The following PFKM variants were observed in gnomAD, a reference collection of about 807,000 sequenced individuals.
PFKM encodes ATP-dependent 6-phosphofructokinase, muscle type.
A neutral mutation model predicts 95.5 loss-of-function variants in PFKM; 58 were observed. That is an observed-to-expected ratio of 0.61 (90% confidence interval 0.49 to 0.76). The LOEUF is 0.76. Among genes scored for constraint, PFKM ranks in the 30% least tolerant of loss-of-function variants. The pLI is 0.00. For missense variants in PFKM, 678 were observed against 1,005.4 expected (o/e 0.67, Z 4.40); for synonymous variants, 336 against 357.2 (o/e 0.94, Z 0.67).
At chr12:48,135,657 A>T (rs977227393) in intron 10 of PFKM, among the ~76,000 whole-genome samples, 1 of 152,116 alleles carries the variant, frequency 6.6e-6, no homozygotes, top group Admixed American at 6.5e-5. Context: ...GAATTTTGAG[A>T]TAATTGTAGA....
intron 10 of PFKM, chr12:48,137,418 C>G: frequency 2.3e-6 from 1 of 428,512 alleles, no homozygotes; most frequent in East Asian, 5.0e-5. Flanking sequence ...CAATCTCCTA[C>G]CTTGTTTTGT....
chr12:48,135,483 T>C (rs1488630965), intron 10 of PFKM, 100 bp downstream of exon 10: 1 of 801,298 alleles, frequency 1.2e-6, no homozygotes, highest in Non-Finnish European at 2.1e-6. Context: ...CTTACATCAC[T>C]GGTCGCATTG....
intron 20 of PFKM, among the ~76,000 whole-genome samples, chr12:48,144,523 C>A (rs2136041504): frequency 6.6e-6 from 1 of 152,298 alleles, no homozygotes; most frequent in Non-Finnish European, 1.5e-5. Flanking sequence ...GTAGCACCTC[C>A]CTCTCACTCC....
chr12:48,142,516 G>T (rs74089121), intron 17 of PFKM: 18 of 423,350 alleles, frequency 4.3e-5, no homozygotes, highest in African/African-American at 1.4e-4. Context: ...TGTTTTGTTT[G>T]TTTTTTTTTT....
intron 1 of PFKM, among the ~76,000 whole-genome samples, chr12:48,107,099 A>G (rs948506870): frequency 6.6e-6 from 1 of 152,182 alleles, no homozygotes; most frequent in Non-Finnish European, 1.5e-5. Flanking sequence ...AGCCACAGGC[A>G]CAGTCTGAGC....
chr12:48,115,809 A>G (rs558749534), upstream of PFKM, among the ~76,000 whole-genome samples: 10 of 152,236 alleles, frequency 6.6e-5, no homozygotes, highest in East Asian at 1.9e-4. Flanking sequence ...TCATATTTAT[A>G]TGACACATTT....
At chr12:48,108,246 G>A (rs1240707047) in intron 3 of PFKM, 1 of 1,563,630 alleles carries the variant, frequency 6.4e-7, no homozygotes, top group Non-Finnish European at 8.7e-7. Context: ...ATGGGAAAGT[G>A]AAAGTTGTAT....
At chr12:48,124,542 T>G (rs1023296172) in intron 2 of PFKM, among the ~76,000 whole-genome samples, 1 of 152,130 alleles carries the variant, frequency 6.6e-6, no homozygotes, top group Non-Finnish European at 1.5e-5. Flanking sequence ...AGGATTTAAC[T>G]TGGGTCTCAG....
At chr12:48,132,189 C>T (rs2135871507) in intron 4 of PFKM, 1 of 408,628 alleles carries the variant, frequency 2.4e-6, no homozygotes, top group South Asian at 1.8e-5. Context: ...ATATGAAAAC[C>T]TAAGTATACT....
intron 18 of PFKM, 137 bp downstream of exon 18, chr12:48,143,083 C>G (rs1382215144): frequency 2.5e-6 from 2 of 815,368 alleles, no homozygotes; most frequent in Non-Finnish European, 2.1e-6. Flanking sequence ...AGAAAGAGCA[C>G]TATGCAGGCA....
At position 48,133,325 on chromosome 12, in the gene PFKM, A is replaced by G; in HGVS notation, c.438A>G (p.Thr146=). 6.2e-7 allele frequency: 1 copy of G among 1,614,078 alleles called. No individual in the cohort carries two copies. Among genetic ancestry groups the G allele is most frequent in the South Asian group, 1.1e-5 (1 of 91,084 alleles). The change falls in exon 6 of 23, where the codon ACA becomes ACG. Residue 146 remains threonine (T), a synonymous_variant. Transcript: ENST00000359794. ...GCTTCTCATTGTCAGGTAAGATCACAGATGAGGAGGCTACGAAGTCCAGCT... is the reference window on the plus strand; with the variant it reads ...GCTTCTCATTGTCAGGTAAGATCACGGATGAGGAGGCTACGAAGTCCAGCT... ...LSDLQKAGKI[T]DEEATKSSYL...
In PFKM at chr12:48,141,381, G is replaced by A; in HGVS notation, c.1412G>A (p.Arg471Lys). Residue 471 changes from arginine (R) to lysine (K), a missense_variant and splice_region_variant, in exon 15 of 23, where the codon AGG becomes AAG. Transcript: ENST00000359794. ...GGTGGCTCTAAACTTGGGACTAAAA[G>A]GTAAGTAGCACTGCAGAGGCACCTC... ...GQGGSKLGTK[R>K]TLPKKSFEQI... The A allele has an allele frequency of 6.2e-7, 1 of 1,613,704 alleles. No homozygotes were observed. Among genetic ancestry groups the A allele is most frequent in the Non-Finnish European group, 8.5e-7 (1 of 1,179,610 alleles).
chr12:48,141,248 C>T, intron 14 of PFKM, 63 bp from the exon 15 acceptor site: 1 of 1,429,736 alleles, frequency 7.0e-7, no homozygotes, highest in Admixed American at 1.7e-5. Flanking sequence ...GCAGTGGCAC[C>T]AGTCCCACAC....
At chr12:48,119,468 G>A in intron 1 of PFKM, 62 bp downstream of exon 1, 8 of 935,436 alleles carry the variant, frequency 8.6e-6, no homozygotes, top group Non-Finnish European at 1.0e-5. Flanking sequence ...GGAAGGTATG[G>A]GCCGGGAGCA....
intron 4 of PFKM, chr12:48,132,096 G>A (rs1949561944): frequency 2.2e-6 from 1 of 455,668 alleles, no homozygotes; most frequent in African/African-American, 2.0e-5. Context: ...GCTAAGTAAT[G>A]GTGCCTGCCA....
intron 11 of PFKM, 21 bp from the exon 12 acceptor site, chr12:48,139,264 G>A: frequency 1.2e-6 from 2 of 1,605,848 alleles, no homozygotes; most frequent in South Asian, 1.1e-5. Context: ...AGTTGAAACT[G>A]TCGCTGTGCT....
intron 2 of PFKM, chr12:48,108,049 G>A (rs751338718): frequency 1.3e-5 from 20 of 1,598,690 alleles, no homozygotes; most frequent in South Asian, 2.2e-5. Flanking sequence ...CCTTGAGGGT[G>A]ACCTAAAGCT....
rs1395601504 is a variant in PFKM, at chr12:48,145,400, C to CT, written c.2198+97dup. 0.12 allele frequency: 106,111 copies of CT among 901,014 alleles called. No homozygotes were observed. The highest frequency in any genetic ancestry group is 0.13 in the East Asian group (3,400 of 25,682). 55.8% of individuals were successfully genotyped at this position (901,014 alleles called of 1,614,324 possible). On this transcript the variant is annotated intron_variant, in intron 22 of 22. Transcript: ENST00000359794. This position sits in a 1 kb window ranked among gnomAD's most constrained non-coding sequence, Gnocchi z 4.3. ...CTCAACCTGTTCACTGTCTTTAATT[C>CT]TTTTTTTTTTTTAAGGAGTAACACC...
At chr12:48,115,063 G>C (rs908932741), upstream of PFKM, among the ~76,000 whole-genome samples, 1 of 152,186 alleles carries the variant, frequency 6.6e-6, no homozygotes, top group Non-Finnish European at 1.5e-5. Flanking sequence ...GCTGCAATGT[G>C]GGTGAGCAGC....
Sources: gnomAD v4.1 joint callset for allele counts (sites outside exome capture counted in the v4.1 genomes callset) on GRCh38, gnomAD v4.1.1 for gene constraint, Gnocchi (gnomAD v3.1) non-coding constraint, MANE v1.5 for transcripts, NCBI Gene and HGNC (gene_info 2026-07-23, HGNC 2026-07-21) for gene names.